The following XPO6 variants were observed in gnomAD, a reference collection of about 807,000 sequenced individuals.
XPO6 encodes the protein exportin 6.
A neutral mutation model predicts 130.0 loss-of-function variants in XPO6; 3 were observed. The observed-to-expected ratio is 0.02, with a 90% CI of 0.01 to 0.06. The LOEUF (loss-of-function observed/expected upper bound fraction) is 0.06. Ranked by LOEUF, XPO6 falls within the 10% of genes least tolerant of loss-of-function variation. XPO6 has a pLI of 1.00. For synonymous variants in XPO6, 524 were observed against 548.9 expected, an observed-to-expected ratio of 0.95 and a Z score of 0.63; for missense variants, 970 against 1,393.0, an observed-to-expected ratio of 0.70 and a Z score of 4.83.
At chr16:28,119,222 T>C (rs1422916339) in intron 14 of XPO6, among the ~76,000 whole-genome samples, 2 of 151,524 alleles carry the variant, frequency 1.3e-5, no homozygotes, top group Non-Finnish European at 2.9e-5. Context: ...TCTCACTATG[T>C]TGCCCAGGCT....
At chr16:28,099,720 T>C (rs1277166864) in intron 23 of XPO6, among the ~76,000 whole-genome samples, 1 of 152,142 alleles carries the variant, frequency 6.6e-6, no homozygotes, top group African/African-American at 2.4e-5. Flanking sequence ...CCACAGAGGG[T>C]GCTGTATTGG....
chr16:28,114,938 C>T (rs765164518), intron 15 of XPO6, among the ~76,000 whole-genome samples: 20 of 152,214 alleles, frequency 1.3e-4, no homozygotes, highest in Non-Finnish European at 2.9e-5. Flanking sequence ...CAAAAACCCA[C>T]TTTCTTTGGT....
rs761711810 is a variant in XPO6 at position 28,106,667 on chromosome 16, T to TA, written c.2498-171dup. Among the ~76,000 whole-genome samples the TA allele has an allele frequency of 2.0e-5, 3 of 152,162 alleles. No individual in the cohort carries two copies. Among genetic ancestry groups the TA allele is most frequent in the Non-Finnish European group, 4.4e-5 (3 of 68,032 alleles). ...CCAATGATGGAAAGTGGAAAACGATTAGGGACATGCTGAGAAAATAGTTCT... is the reference window on the plus strand; with the variant it reads ...CCAATGATGGAAAGTGGAAAACGATTAAGGGACATGCTGAGAAAATAGTTCT... On this transcript the variant is annotated intron_variant, in intron 18 of 23. Transcript: ENST00000304658. The surrounding 1 kb of genome is among the most constrained non-coding windows in gnomAD (Gnocchi z 4.2).
At chr16:28,180,545 T>C (rs1490422661) in intron 2 of XPO6, among the ~76,000 whole-genome samples, 1 of 152,012 alleles carries the variant, frequency 6.6e-6, no homozygotes, top group East Asian at 1.9e-4. Flanking sequence ...TCTCTTTAAA[T>C]AACCATCCAG....
chr16:28,201,761 C>G (rs2043957465), intron 1 of XPO6, among the ~76,000 whole-genome samples: 1 of 152,100 alleles, frequency 6.6e-6, no homozygotes, highest in Non-Finnish European at 1.5e-5. Context: ...GAGGCTGAGG[C>G]AGGAGAATGC....
At chr16:28,139,232 GCACAC>G (rs1158790133) in intron 9 of XPO6, among the ~76,000 whole-genome samples, 2 of 152,188 alleles carry the variant, frequency 1.3e-5, no homozygotes, top group East Asian at 3.9e-4. Flanking sequence ...TTCCTCACAT[GCACAC>G]AAGAAAGGCC....
chr16:28,157,282 C>T (rs970808082), intron 6 of XPO6, among the ~76,000 whole-genome samples: 2 of 151,970 alleles, frequency 1.3e-5, no homozygotes, highest in Non-Finnish European at 1.5e-5. Context: ...CATGGTGAAA[C>T]CCTGTCTCTA....
At chr16:28,186,973 G>A (rs946182787) in intron 1 of XPO6, among the ~76,000 whole-genome samples, 10 of 152,098 alleles carry the variant, frequency 6.6e-5, no homozygotes, top group African/African-American at 2.4e-4. Flanking sequence ...TGAGTAAGAC[G>A]GTCCCTAACT....
intron 8 of XPO6, among the ~76,000 whole-genome samples, chr16:28,147,494 C>A (rs1005641623): frequency 2.0e-5 from 3 of 152,114 alleles, no homozygotes; most frequent in Non-Finnish European, 4.4e-5. Context: ...ATTCCAACTT[C>A]ACGACCCAAA....
intron 7 of XPO6, 86 bp from the exon 8 acceptor site, chr16:28,152,871 G>T: frequency 2.0e-6 from 3 of 1,521,766 alleles, no homozygotes; most frequent in Non-Finnish European, 2.6e-6. Context: ...TTTCAGTACA[G>T]AACTATACAA....
chr16:28,193,593 T>G (rs2043815708), intron 1 of XPO6, among the ~76,000 whole-genome samples: 1 of 152,124 alleles, frequency 6.6e-6, no homozygotes, highest in Admixed American at 6.5e-5. Context: ...AAAACAGTGG[T>G]AGTGGTGACT....
At chr16:28,111,624 G>A (rs2086923426) in intron 17 of XPO6, 193 bp downstream of exon 17, 2 of 541,982 alleles carry the variant, frequency 3.7e-6, no homozygotes, top group Non-Finnish European at 6.5e-6. Flanking sequence ...CTGGAAATAG[G>A]TCTGGCTGCT....
chr16:28,186,275 T>C (rs1000519679), intron 1 of XPO6, among the ~76,000 whole-genome samples: 2 of 151,990 alleles, frequency 1.3e-5, no homozygotes, highest in African/African-American at 2.4e-5. Flanking sequence ...GTTACTATAA[T>C]TGCTTTTACC....
intron 15 of XPO6, 58 bp downstream of exon 15, chr16:28,117,260 G>A: frequency 6.3e-7 from 1 of 1,599,910 alleles, no homozygotes; most frequent in Non-Finnish European, 8.5e-7. Context: ...AATGGGTATA[G>A]GAACAGAAGG....
At chr16:28,197,542 A>G (rs1399526911) in intron 1 of XPO6, among the ~76,000 whole-genome samples, 3 of 152,188 alleles carry the variant, frequency 2.0e-5, no homozygotes, top group Admixed American at 6.6e-5. Context: ...CCCAACGCTG[A>G]TGAGGATATT....
chr16:28,191,488 A>C (rs762959071), intron 1 of XPO6, among the ~76,000 whole-genome samples: 1 of 152,198 alleles, frequency 6.6e-6, no homozygotes, highest in Non-Finnish European at 1.5e-5. Flanking sequence ...AACACAAGGC[A>C]AGCTACCAAG....
At chr16:28,205,310 C>T (rs77703890) in intron 1 of XPO6, among the ~76,000 whole-genome samples, 231 of 152,280 alleles carry the variant, frequency 1.5e-3, no homozygotes, top group Non-Finnish European at 2.8e-3. Flanking sequence ...TCTCACTTCA[C>T]ACCTATCATT....
chr16:28,103,028 TG>T (rs1387651247), intron 21 of XPO6, among the ~76,000 whole-genome samples: 2 of 152,188 alleles, frequency 1.3e-5, no homozygotes, highest in South Asian at 2.1e-4. Context: ...GTTAGGTTCA[TG>T]GAAGTATAAC....
chr16:28,105,705 A>T (rs1253228715), intron 20 of XPO6: 4 of 211,794 alleles, frequency 1.9e-5, no homozygotes, highest in Non-Finnish European at 3.8e-5. Context: ...TATCCTCGAG[A>T]CCATGAATGT....
Sources: allele counts gnomAD v4.1 joint callset (sites outside exome capture counted in the v4.1 genomes callset), GRCh38; gene constraint gnomAD v4.1.1; non-coding constraint Gnocchi (gnomAD v3.1); transcripts MANE v1.5; gene names NCBI Gene and HGNC (gene_info 2026-07-23, HGNC 2026-07-21).